The following TMTC1 variants were observed in gnomAD, a reference collection of about 807,000 sequenced individuals.
TMTC1 encodes transmembrane O-mannosyltransferase targeting cadherins 1.
A neutral mutation model predicts 104.8 loss-of-function variants in TMTC1; 73 were observed. The ratio of observed to expected loss-of-function variants is 0.70; its 90% confidence interval spans 0.58 to 0.85. TMTC1 has a LOEUF of 0.85. TMTC1 is among the 40% of genes least tolerant of loss of function. The pLI is 0.00. For missense variants in TMTC1, 1,035 were observed against 1,096.1 expected (o/e 0.94, Z 0.79); for synonymous variants, 434 against 428.7 (o/e 1.01, Z -0.15).
intron 7 of TMTC1, among the ~76,000 whole-genome samples, chr12:29,598,724 T>C (rs1271652965): frequency 6.6e-6 from 1 of 152,176 alleles, no homozygotes; most frequent in East Asian, 1.9e-4. Flanking sequence ...TTTTCTTTTT[T>C]AGACAGTTTG....
At chr12:29,554,738 G>T (rs1945193473) in intron 10 of TMTC1, among the ~76,000 whole-genome samples, 1 of 151,998 alleles carries the variant, frequency 6.6e-6, no homozygotes, top group African/African-American at 2.4e-5. Flanking sequence ...AGCCATGGGG[G>T]GGCATGCCTA....
At chr12:29,572,072 C>A (rs753311814) in intron 9 of TMTC1, 33 bp downstream of exon 9, 2 of 1,562,982 alleles carry the variant, frequency 1.3e-6, no homozygotes, top group South Asian at 1.1e-5. Context: ...CTTTAAAGCA[C>A]CAAGGCCAAC....
chr12:29,739,844 G>A (rs989821139), intron 5 of TMTC1, among the ~76,000 whole-genome samples: 11 of 151,874 alleles, frequency 7.2e-5, no homozygotes, highest in South Asian at 2.1e-4. Flanking sequence ...GAATAGCTGC[G>A]GTTACAGGCA....
intron 5 of TMTC1, among the ~76,000 whole-genome samples, chr12:29,645,715 G>A (rs2136574071): frequency 1.3e-5 from 2 of 152,238 alleles, no homozygotes; most frequent in South Asian, 4.1e-4. Context: ...CTCTCATTGA[G>A]CACAGGTTCA....
chr12:29,507,048 GA>G (rs2136123396), intron 17 of TMTC1, 62 bp from the exon 18 acceptor site: 2 of 1,436,564 alleles, frequency 1.4e-6, no homozygotes, highest in East Asian at 4.6e-5. Context: ...CTCAGAGAAT[GA>G]AGAGACTAAG....
intron 5 of TMTC1, among the ~76,000 whole-genome samples, chr12:29,695,361 T>TG (rs1941385620): frequency 6.6e-6 from 1 of 151,894 alleles, no homozygotes; most frequent in South Asian, 2.1e-4. Context: ...GGCTGGAGTG[T>TG]GGTGGTGCTA....
intron 5 of TMTC1, among the ~76,000 whole-genome samples, chr12:29,659,049 T>C (rs973829850): frequency 2.6e-5 from 4 of 152,206 alleles, no homozygotes; most frequent in Admixed American, 2.6e-4. Context: ...ACAAATGGCA[T>C]AATTAACTGT....
At chr12:29,566,994 A>G (rs1285693716) in intron 9 of TMTC1, among the ~76,000 whole-genome samples, 1 of 152,190 alleles carries the variant, frequency 6.6e-6, no homozygotes, top group Non-Finnish European at 1.5e-5. Context: ...AGCCTCAGGG[A>G]GTTGCCTCCC....
At chr12:29,533,424 T>C (rs1004812025) in intron 11 of TMTC1, 7 of 152,182 alleles carry the variant, frequency 4.6e-5, no homozygotes, top group African/African-American at 1.7e-4. Context: ...AAACCTAGTT[T>C]CCTTTTTTGA....
At chr12:29,544,844 G>A (rs7963041) in intron 10 of TMTC1, among the ~76,000 whole-genome samples, 6,386 of 152,244 alleles carry the variant, frequency 0.042, 437 homozygotes, top group African/African-American at 0.14. Flanking sequence ...AGTTTAATGC[G>A]TGTTCCTGGG....
chr12:29,552,919 C>G (rs1320527735), intron 10 of TMTC1, among the ~76,000 whole-genome samples: 1 of 152,150 alleles, frequency 6.6e-6, no homozygotes, highest in Non-Finnish European at 1.5e-5. Context: ...CCTCTTCTTG[C>G]CTTTGACCCA....
At chr12:29,522,845 T>C (rs1364986187) in intron 11 of TMTC1, among the ~76,000 whole-genome samples, 1 of 152,198 alleles carries the variant, frequency 6.6e-6, no homozygotes, top group Non-Finnish European at 1.5e-5. Context: ...ACAACAATCA[T>C]ACTTATCTTA....
intron 5 of TMTC1, among the ~76,000 whole-genome samples, chr12:29,641,612 C>T (rs1281123948): frequency 6.6e-6 from 1 of 152,120 alleles, no homozygotes; most frequent in Non-Finnish European, 1.5e-5. Context: ...CCTAGACCTT[C>T]CCTCTGACAG....
intron 7 of TMTC1, among the ~76,000 whole-genome samples, chr12:29,595,700 A>C (rs1001417151): frequency 6.6e-6 from 1 of 152,220 alleles, no homozygotes; most frequent in Non-Finnish European, 1.5e-5. Flanking sequence ...GACACATTCA[A>C]GTTAAAATCT....
At chr12:29,633,090 T>C (rs141775936) in intron 6 of TMTC1, 57 bp downstream of exon 6, 27 of 1,494,474 alleles carry the variant, frequency 1.8e-5, no homozygotes, top group Middle Eastern at 2.1e-4. Flanking sequence ...AAGAACATTA[T>C]AGGCATAGAA....
At chr12:29,698,604 C>G (rs760910666) in intron 5 of TMTC1, among the ~76,000 whole-genome samples, 1 of 152,170 alleles carries the variant, frequency 6.6e-6, no homozygotes, top group Non-Finnish European at 1.5e-5. Flanking sequence ...AAAAAGGGAT[C>G]TTTGTTCTTC....
chr12:29,702,045 T>G (rs1485798308), intron 5 of TMTC1, among the ~76,000 whole-genome samples: 1 of 152,214 alleles, frequency 6.6e-6, no homozygotes, highest in Middle Eastern at 3.2e-3. Context: ...GAAAATAATA[T>G]GCTAGAATAA....
intron 5 of TMTC1, among the ~76,000 whole-genome samples, chr12:29,645,206 C>G (rs1218487258): frequency 6.6e-6 from 1 of 152,160 alleles, no homozygotes; most frequent in Non-Finnish European, 1.5e-5. Flanking sequence ...CTGGGGCAAC[C>G]ATATACTTTT....
In TMTC1 at chr12:29,600,008, A is replaced by ATATATATTT. The variant is rs59108744; in HGVS notation, c.1250+4169_1250+4170insAAATATATA. 2.5e-3 allele frequency among the ~76,000 whole-genome samples: 299 copies of ATATATATTT among 118,668 alleles called. 2 individuals carry two copies. The highest frequency in any genetic ancestry group is 3.6e-3 in the Non-Finnish European group (219 of 60,890). 77.9% of individuals were successfully genotyped at this position (118,668 alleles called of 152,430 possible). A position where few individuals can be genotyped will look rare whatever the true frequency, so the allele number is the denominator to read the frequency against. ...TGTGTATATACATATATATATATAT[A>ATATATATTT]TTTTTTTTTTTTTTTCCCTCAAAAG... On this transcript the variant is annotated intron_variant, in intron 7 of 17. Transcript: ENST00000539277.
Sources: gnomAD v4.1 joint callset for allele counts (sites outside exome capture counted in the v4.1 genomes callset) on GRCh38, gnomAD v4.1.1 for gene constraint, MANE v1.5 for transcripts, NCBI Gene and HGNC (gene_info 2026-07-23, HGNC 2026-07-21) for gene names.